DZANK1: variants seen among roughly 807,000 people sequenced by gnomAD.
The protein encoded by DZANK1 is double zinc ribbon and ankyrin repeat-containing protein 1.
Under a neutral mutation model 94.5 loss-of-function variants are expected in DZANK1, and 91 were observed. The ratio of observed to expected loss-of-function variants is 0.96; its 90% CI spans 0.81 to 1.15. The LOEUF (loss-of-function observed/expected upper bound fraction) is 1.15. Ranked by LOEUF, DZANK1 falls within the 50% of genes most tolerant of loss-of-function variation. The pLI is 0.00. For missense variants in DZANK1, 903 were observed against 916.4 expected (o/e 0.99, Z 0.19); for synonymous variants, 312 against 325.3 (o/e 0.96, Z 0.44).
At chr20:18,427,700 C>T (rs1311879270) in intron 9 of DZANK1, among the ~76,000 whole-genome samples, 1 of 151,856 alleles carries the variant, frequency 6.6e-6, no homozygotes, top group African/African-American at 2.4e-5. Flanking sequence ...AAACAGTAAA[C>T]AGAAAGACCC....
chr20:18,432,373 C>G (rs892893254), intron 9 of DZANK1: 1 of 152,158 alleles, frequency 6.6e-6, no homozygotes, highest in African/African-American at 2.4e-5. Context: ...TTCTCTCTCC[C>G]ATATATAAGA....
intron 17 of DZANK1, among the ~76,000 whole-genome samples, chr20:18,393,207 C>T (rs927093144): frequency 2.0e-5 from 3 of 152,198 alleles, no homozygotes; most frequent in African/African-American, 7.2e-5. Context: ...GCGCTTCACA[C>T]ACCAACACCC....
chr20:18,407,200 T>C (rs780230002), intron 13 of DZANK1, among the ~76,000 whole-genome samples: 38 of 152,192 alleles, frequency 2.5e-4, no homozygotes, highest in East Asian at 9.6e-4. Flanking sequence ...TCAGTCCCAA[T>C]AGTGGTGGCC....
intron 18 of DZANK1, 69 bp from the exon 19 acceptor site, chr20:18,389,897 A>G: frequency 6.3e-7 from 1 of 1,594,712 alleles, no homozygotes; most frequent in South Asian, 1.1e-5. Flanking sequence ...TCGCCATCCT[A>G]TGAAGTATAA....
At chr20:18,466,951 C>T (rs964107601) in intron 1 of DZANK1, 45 bp downstream of exon 1, 1 of 153,578 alleles carries the variant, frequency 6.5e-6, no homozygotes, top group Non-Finnish European at 1.5e-5. Flanking sequence ...GATCGGGACC[C>T]CTAATGCATC....
At chr20:18,384,359 T>C (rs1461268298) in exon 21 of DZANK1, 8 of 1,571,028 alleles carry the variant, frequency 5.1e-6, no homozygotes, top group East Asian at 2.3e-5. Flanking sequence ...GTGCCAGCCA[T>C]GCACGTATTC....
chr20:18,385,592 A>G (rs1327739520), intron 19 of DZANK1, among the ~76,000 whole-genome samples: 1 of 151,770 alleles, frequency 6.6e-6, no homozygotes, highest in African/African-American at 2.4e-5. Context: ...ATTTTTTTGT[A>G]TTTTTAATAG....
chr20:18,412,503 GA>G, intron 13 of DZANK1, 142 bp downstream of exon 13: 1 of 883,452 alleles, frequency 1.1e-6, no homozygotes, highest in South Asian at 1.7e-5. Context: ...CCAATACAAA[GA>G]AAATTACTTG....
chr20:18,445,610 T>A (rs2058848639), intron 7 of DZANK1, among the ~76,000 whole-genome samples: 1 of 152,158 alleles, frequency 6.6e-6, no homozygotes, highest in African/African-American at 2.4e-5. Flanking sequence ...AAATTTGACA[T>A]AAGCACCAGG....
At position 18,441,236 on chromosome 20, in the gene DZANK1, G is replaced by A. The variant is rs886205137; in HGVS notation, c.747+2111C>T. ...AGGTGACAGCCTGATTAACTGTGAT[G>A]CCCCCTCATGCTATGGATCACCAGT... On this transcript the variant is annotated intron_variant, in intron 8 of 20. Transcript: ENST00000262547. This position sits in a 1 kb window ranked among gnomAD's most constrained non-coding sequence, Gnocchi z 4.1. Among the ~76,000 whole-genome samples the A allele has an allele frequency of 6.6e-6, 1 of 152,126 alleles. No individual in the cohort carries two copies. Among genetic ancestry groups the A allele is most frequent in the Non-Finnish European group, 1.5e-5 (1 of 68,020 alleles).
chr20:18,386,008 G>A, intron 19 of DZANK1, among the ~76,000 whole-genome samples: 1 of 152,124 alleles, frequency 6.6e-6, no homozygotes, highest in Non-Finnish European at 1.5e-5. Flanking sequence ...AGGAGTGAAG[G>A]AGGGCAGGAG....
chr20:18,427,037 A>G, intron 10 of DZANK1, 30 bp downstream of exon 10: 1 of 1,514,372 alleles, frequency 6.6e-7, no homozygotes, highest in Non-Finnish European at 9.1e-7. Context: ...TAGCCACTAA[A>G]TATAGGATTG....
chr20:18,458,785 T>A (rs886720109), intron 3 of DZANK1, among the ~76,000 whole-genome samples: 3 of 152,220 alleles, frequency 2.0e-5, no homozygotes, highest in East Asian at 1.9e-4. Flanking sequence ...GTCACATGAG[T>A]AGAGGCCTGG....
At chr20:18,391,745 C>G (rs2056002450) in intron 17 of DZANK1, among the ~76,000 whole-genome samples, 3 of 152,222 alleles carry the variant, frequency 2.0e-5, no homozygotes, top group African/African-American at 7.2e-5. Context: ...CCTGTCCTTG[C>G]TCCTGTGAAG....
chr20:18,460,837 G>C (rs2059449780), intron 2 of DZANK1, among the ~76,000 whole-genome samples: 1 of 152,176 alleles, frequency 6.6e-6, no homozygotes, highest in Non-Finnish European at 1.5e-5. Context: ...CAATAATGCA[G>C]TTCTTTCTCT....
At chr20:18,394,676 T>C (rs746188030) in intron 15 of DZANK1, 2 of 546,474 alleles carry the variant, frequency 3.7e-6, no homozygotes, top group Admixed American at 3.9e-5. Context: ...CCCAGTCACC[T>C]TTAGATCCTT....
chr20:18,457,692 G>A (rs541129064), intron 3 of DZANK1, among the ~76,000 whole-genome samples: 1 of 152,246 alleles, frequency 6.6e-6, no homozygotes, highest in East Asian at 1.9e-4. Context: ...CCAATTGGAA[G>A]CAAAGCCCAC....
chr20:18,395,182 G>A (rs886762329), intron 15 of DZANK1, among the ~76,000 whole-genome samples: 1 of 152,178 alleles, frequency 6.6e-6, no homozygotes, highest in African/African-American at 2.4e-5. Flanking sequence ...CCAACATGGT[G>A]AAACCCCATC....
intron 2 of DZANK1, among the ~76,000 whole-genome samples, chr20:18,461,344 A>G (rs73123161): frequency 0.077 from 11,694 of 152,144 alleles, 635 homozygotes; most frequent in Non-Finnish European, 0.11. Context: ...AAATAAATTT[A>G]AATTTTTTTA....
Sources: allele counts gnomAD v4.1 joint callset (sites outside exome capture counted in the v4.1 genomes callset), GRCh38; gene constraint gnomAD v4.1.1; non-coding constraint Gnocchi (gnomAD v3.1); transcripts MANE v1.5; gene names NCBI Gene and HGNC (gene_info 2026-07-23, HGNC 2026-07-21).